The following APBB1IP variants were observed in gnomAD, a reference collection of about 807,000 sequenced individuals.
APBB1IP encodes the protein amyloid beta A4 precursor protein-binding family B member 1-interacting protein.
APBB1IP carries 27 observed loss-of-function variants against 64.9 expected under a neutral mutation model. The observed-to-expected ratio is 0.42, with a 90% CI of 0.31 to 0.57. The LOEUF is 0.57. Ranked by LOEUF, APBB1IP falls within the 20% of genes least tolerant of loss-of-function variation. The pLI is 0.20. For synonymous variants in APBB1IP, 392 were observed against 331.0 expected (o/e 1.18, Z -2.00); for missense variants, 812 against 845.5 (o/e 0.96, Z 0.49).
At chr10:26,442,948 ACT>A (rs768227681) in intron 2 of APBB1IP, among the ~76,000 whole-genome samples, 1 of 152,066 alleles carries the variant, frequency 6.6e-6, no homozygotes, top group Non-Finnish European at 1.5e-5. Context: ...TTCTCCACCG[ACT>A]CTGGGTGGTC....
chr10:26,545,489 G>A (rs925678519), intron 11 of APBB1IP, among the ~76,000 whole-genome samples: 1 of 152,112 alleles, frequency 6.6e-6, no homozygotes, highest in Non-Finnish European at 1.5e-5. Context: ...GGCCGGGCGC[G>A]GTGGCTCACG....
At chr10:26,463,798 G>T (rs1835619782) in intron 2 of APBB1IP, among the ~76,000 whole-genome samples, 1 of 152,116 alleles carries the variant, frequency 6.6e-6, no homozygotes, top group Non-Finnish European at 1.5e-5. Context: ...ACATATGTAT[G>T]CATGTGCCAT....
intron 8 of APBB1IP, among the ~76,000 whole-genome samples, chr10:26,523,264 G>C (rs888000578): frequency 3.3e-5 from 5 of 152,152 alleles, no homozygotes; most frequent in Admixed American, 2.6e-4. Flanking sequence ...TCCTTCCAAG[G>C]TACTAGCCAA....
chr10:26,448,669 T>TA (rs1294597790), intron 2 of APBB1IP, among the ~76,000 whole-genome samples: 2 of 152,226 alleles, frequency 1.3e-5, no homozygotes, highest in South Asian at 4.1e-4. Flanking sequence ...TCTTTAAACC[T>TA]ACACCCAGAA....
At chr10:26,548,188 T>A (rs568176320) in intron 11 of APBB1IP, among the ~76,000 whole-genome samples, 3 of 151,672 alleles carry the variant, frequency 2.0e-5, no homozygotes, top group Non-Finnish European at 3.0e-5. Context: ...GACATTAAAA[T>A]TTTTTTTTAT....
intron 2 of APBB1IP, among the ~76,000 whole-genome samples, chr10:26,470,644 C>T (rs1835705368): frequency 6.6e-6 from 1 of 152,186 alleles, no homozygotes; most frequent in African/African-American, 2.4e-5. Context: ...CTACAGTGTG[C>T]AGTAGGTTAG....
chr10:26,496,327 T>A lies in APBB1IP; in HGVS notation c.96T>A (p.Pro32=). ...LTQSLGVDTL[P]PPDPNPPRAE... is the part of the protein sequence containing the mutation. ...AGAGTTTAGGAGTTGACACTCTCCCTCCTCCTGACCCTAATCCACCCAGAG... is the reference window on the plus strand; with the variant it reads ...AGAGTTTAGGAGTTGACACTCTCCCACCTCCTGACCCTAATCCACCCAGAG... The change falls in exon 4 of 15, where the codon CCT becomes CCA. Residue 32 remains proline, a synonymous_variant. Coordinates refer to ENST00000376236, the MANE Select transcript of APBB1IP (RefSeq NM_019043.4). 2 of 1,612,916 alleles carry A rather than the reference T, an allele frequency of 1.2e-6. No individual in the cohort carries two copies. The highest frequency in any genetic ancestry group is 1.7e-6 in the Non-Finnish European group (2 of 1,179,222).
At chr10:26,447,584 T>C (rs1835416023) in intron 2 of APBB1IP, among the ~76,000 whole-genome samples, 1 of 152,112 alleles carries the variant, frequency 6.6e-6, no homozygotes, top group South Asian at 2.1e-4. Context: ...CCCAACATAT[T>C]TGAGTCAAAT....
chr10:26,549,315 G>A (rs1564375832), intron 11 of APBB1IP, among the ~76,000 whole-genome samples: 1 of 152,110 alleles, frequency 6.6e-6, no homozygotes, highest in Non-Finnish European at 1.5e-5. Flanking sequence ...GTTTGGTTTT[G>A]GAATTGGGAT....
At chr10:26,490,960 A>G (rs954467505) in intron 2 of APBB1IP, among the ~76,000 whole-genome samples, 1 of 152,180 alleles carries the variant, frequency 6.6e-6, no homozygotes, top group Non-Finnish European at 1.5e-5. Flanking sequence ...TGGCATTAAT[A>G]TTACAGTGTT....
intron 2 of APBB1IP, among the ~76,000 whole-genome samples, chr10:26,441,455 G>T (rs1835337447): frequency 6.6e-6 from 1 of 152,156 alleles, no homozygotes; most frequent in Non-Finnish European, 1.5e-5. Flanking sequence ...GCTTGGAAGG[G>T]CAGACCCTGA....
chr10:26,565,472 G>A (rs1837029779), intron 14 of APBB1IP, among the ~76,000 whole-genome samples: 1 of 152,166 alleles, frequency 6.6e-6, no homozygotes, highest in African/African-American at 2.4e-5. Context: ...TACCACGAAA[G>A]CCCCTTTAGA....
intron 11 of APBB1IP, among the ~76,000 whole-genome samples, chr10:26,557,626 G>A (rs1252204772): frequency 2.0e-5 from 3 of 152,310 alleles, no homozygotes; most frequent in Non-Finnish European, 4.4e-5. Context: ...TTCTAGTGGG[G>A]TCACAGGGAG....
chr10:26,499,659 T>C (rs866593742), intron 4 of APBB1IP, among the ~76,000 whole-genome samples: 58 of 152,228 alleles, frequency 3.8e-4, no homozygotes, highest in African/African-American at 1.3e-3. Context: ...CCAAGACTAC[T>C]CACCAACACC....
At chr10:26,503,060 A>G (rs1277055526) in intron 5 of APBB1IP, 137 bp from the exon 6 acceptor site, 4 of 734,232 alleles carry the variant, frequency 5.4e-6, no homozygotes, top group Non-Finnish European at 8.7e-6. Context: ...AGTAATTAAT[A>G]AATTCTGAAA....
Position 26,560,779 on chromosome 10 carries a change from G to A in APBB1IP, c.1304G>A (p.Gly435Glu). 3.7e-6 allele frequency: 6 copies of A among 1,609,472 alleles called. No homozygotes were observed. The highest frequency in any genetic ancestry group is 5.1e-6 in the Non-Finnish European group (6 of 1,177,378). The change falls in exon 13 of 15, where the codon GGA becomes GAA. Residue 435 changes from glycine (G) to glutamate (E), a missense_variant. Gly to Glu is a moderately conservative substitution (Grantham distance 98). Around this residue, in one of 3 missense-constraint regions of APBB1IP, gnomAD observed 381 missense variants for 352.1 expected, o/e 1.08. Transcript: ENST00000376236. ...DNYQRAVAKA[G>E]LASRWTNLGT... The stretch of plus-strand genomic sequence containing the variant: ...TACCAGCGGGCTGTGGCAAAGGCTG[G>A]ACTTGCCTCTCGGTGGACAAACTTG...
chr10:26,547,472 G>A (rs915116428), intron 11 of APBB1IP, among the ~76,000 whole-genome samples: 2 of 151,620 alleles, frequency 1.3e-5, no homozygotes, highest in Non-Finnish European at 2.9e-5. Context: ...ACACAGTTTC[G>A]CTCTTGTTGA....
intron 2 of APBB1IP, among the ~76,000 whole-genome samples, chr10:26,466,678 G>C (rs10829008): frequency 6.6e-6 from 1 of 151,948 alleles, no homozygotes; most frequent in Non-Finnish European, 1.5e-5. Flanking sequence ...GTACATACCT[G>C]TAGTCCCAGC....
chr10:26,493,541 G>A (rs1041943214), intron 3 of APBB1IP, among the ~76,000 whole-genome samples: 8 of 152,128 alleles, frequency 5.3e-5, no homozygotes, highest in African/African-American at 1.4e-4. Flanking sequence ...GGCTTCAGCC[G>A]GTCCCTCCAT....
Sources: gnomAD v4.1 joint callset for allele counts (sites outside exome capture counted in the v4.1 genomes callset) on GRCh38, gnomAD v4.1.1 for gene constraint, gnomAD v4.1.1 regional missense constraint, MANE v1.5 for transcripts, NCBI Gene and HGNC (gene_info 2026-07-23, HGNC 2026-07-21) for gene names.